DCDC1: variants seen among roughly 807,000 people sequenced by gnomAD.
DCDC1 encodes the protein doublecortin domain-containing protein 1.
DCDC1 carries 200 observed loss-of-function variants against 178.3 expected under a neutral mutation model. The observed-to-expected ratio is 1.12, with a 90% CI of 1.00 to 1.26. The LOEUF is 1.26. DCDC1 is among the 50% of genes most tolerant of loss of function. The pLI, the probability that DCDC1 is intolerant of heterozygous loss-of-function variation, is 0.00. For synonymous variants in DCDC1, 690 were observed against 604.8 expected (o/e 1.14, Z -2.07); for missense variants, 1,983 against 1,749.2 (o/e 1.13, Z -2.38).
At chr11:31,324,587 T>A (rs1949549729) in intron 3 of DCDC1, among the ~76,000 whole-genome samples, 1 of 151,854 alleles carries the variant, frequency 6.6e-6, no homozygotes. Context: ...GTAGCAGGAG[T>A]CTAAAACAGT....
intron 2 of DCDC1, among the ~76,000 whole-genome samples, chr11:31,329,967 G>A (rs1208202452): frequency 6.6e-6 from 1 of 152,154 alleles, no homozygotes; most frequent in Non-Finnish European, 1.5e-5. Context: ...TCCTTGAGGA[G>A]TCGCCACACT....
At chr11:31,164,083 A>G (rs535923224) in intron 9 of DCDC1, among the ~76,000 whole-genome samples, 32 of 152,208 alleles carry the variant, frequency 2.1e-4, no homozygotes, top group Non-Finnish European at 4.4e-4. Context: ...GGGTCAAAGC[A>G]ACTAAGGAAG....
At chr11:31,330,926 C>A (rs1330112399) in intron 2 of DCDC1, among the ~76,000 whole-genome samples, 1 of 151,984 alleles carries the variant, frequency 6.6e-6, no homozygotes, top group Non-Finnish European at 1.5e-5. Context: ...TTTTCCAATT[C>A]TGTGAAGTCA....
intron 6 of DCDC1, among the ~76,000 whole-genome samples, chr11:31,299,082 T>C (rs1235563989): frequency 1.3e-5 from 2 of 152,190 alleles, no homozygotes. Context: ...CAAAATACAA[T>C]TGCTTCTATG....
chr11:31,307,218 C>G (rs754311433), intron 4 of DCDC1, among the ~76,000 whole-genome samples: 1 of 152,138 alleles, frequency 6.6e-6, no homozygotes, highest in Non-Finnish European at 1.5e-5. Context: ...TCTATGAACT[C>G]TCATGTTAAC....
At chr11:31,216,961 A>C (rs1317557485) in intron 9 of DCDC1, among the ~76,000 whole-genome samples, 2 of 152,214 alleles carry the variant, frequency 1.3e-5, no homozygotes. Context: ...CTACATGTGA[A>C]CTTTACTTCA....
chr11:31,021,562 C>G (rs559043297), intron 20 of DCDC1, among the ~76,000 whole-genome samples: 3 of 152,200 alleles, frequency 2.0e-5, no homozygotes, highest in Admixed American at 2.0e-4. Context: ...AAAAAAATCT[C>G]TGCAAAGATC....
intron 9 of DCDC1, among the ~76,000 whole-genome samples, chr11:31,169,061 G>A (rs895004037): frequency 3.4e-4 from 51 of 152,132 alleles, no homozygotes; most frequent in African/African-American, 1.2e-3. Flanking sequence ...CCATAAAAAG[G>A]AATGAGATTA....
At chr11:31,294,796 GAAAAAGAAAGAAAGAAAGAAAGAAAGAA>G (rs1249864808) in intron 6 of DCDC1, among the ~76,000 whole-genome samples, 9 of 118,486 alleles carry the variant, frequency 7.6e-5, no homozygotes, top group Non-Finnish European at 1.6e-4. Flanking sequence ...GAAAAATAAA[GAAAAAGAAAGAAAGAAAGAAAGAAAGAA>G]AGAAAGAAAG....
intron 9 of DCDC1, among the ~76,000 whole-genome samples, chr11:31,200,965 T>C (rs1269660229): frequency 1.3e-5 from 2 of 151,578 alleles, no homozygotes; most frequent in African/African-American, 2.4e-5. Flanking sequence ...AAACAAAAAA[T>C]CTTCTAGCCC....
In DCDC1 at chr11:31,106,946, A is replaced by G. The variant is rs746011925; in HGVS notation, c.1602T>C (p.Ile534=). 1.3e-6 allele frequency: 1 copy of G among 765,192 alleles called. No individual in the cohort carries two copies. Among genetic ancestry groups the G allele is most frequent in the Non-Finnish European group, 2.4e-6 (1 of 417,578 alleles). 47.4% of individuals were successfully genotyped at this position (765,192 alleles called of 1,614,324 possible). ...DHMMERLLLK[I]HQRLQGSSIN... is the part of the protein sequence containing the mutation. ...TGGAAGAACCTTGAAGCCTTTGATGAATCTTGAGAAGTAACTGGTTGGGGG... is the reference window on the plus strand; with the variant it reads ...TGGAAGAACCTTGAAGCCTTTGATGGATCTTGAGAAGTAACTGGTTGGGGG... The change falls in exon 13 of 39, where the codon ATT becomes ATC. Residue 534 remains isoleucine, a synonymous_variant. Coordinates refer to ENST00000684477, the MANE Select transcript of DCDC1 (RefSeq NM_001387274.1).
At chr11:31,357,908 G>A (rs1385567909) in intron 1 of DCDC1, among the ~76,000 whole-genome samples, 16 of 152,004 alleles carry the variant, frequency 1.1e-4, no homozygotes, top group Admixed American at 2.6e-4. Flanking sequence ...TTCAAGGAGA[G>A]CTACAAACCA....
chr11:31,348,241 T>C (rs1202491328), intron 1 of DCDC1, among the ~76,000 whole-genome samples: 1 of 152,188 alleles, frequency 6.6e-6, no homozygotes, highest in Non-Finnish European at 1.5e-5. Context: ...ATAGTAGAAT[T>C]GAATATTCGA....
chr11:31,086,400 C>G (rs1038390967), intron 17 of DCDC1, among the ~76,000 whole-genome samples: 2 of 152,168 alleles, frequency 1.3e-5, no homozygotes, highest in Non-Finnish European at 2.9e-5. Context: ...TAAAGTAACT[C>G]TCCAAATCAT....
chr11:30,946,752 T>C (rs951065747), intron 21 of DCDC1, among the ~76,000 whole-genome samples: 2 of 152,172 alleles, frequency 1.3e-5, no homozygotes, highest in South Asian at 4.1e-4. Flanking sequence ...TCAGGATAAA[T>C]TATTTCTAAA....
At chr11:31,002,428 G>A (rs1037621008) in intron 20 of DCDC1, among the ~76,000 whole-genome samples, 1 of 152,108 alleles carries the variant, frequency 6.6e-6, no homozygotes, top group Admixed American at 6.5e-5. Flanking sequence ...AAGTTTTAAC[G>A]TAACTGCTGT....
chr11:31,323,473 A>C (rs1028993462), intron 3 of DCDC1, among the ~76,000 whole-genome samples: 4 of 152,174 alleles, frequency 2.6e-5, no homozygotes, highest in Admixed American at 6.5e-5. Flanking sequence ...TTAGCCCTTC[A>C]TTATTTGGTA....
At chr11:30,866,297 G>A (rs1315643029) in intron 38 of DCDC1, among the ~76,000 whole-genome samples, 1 of 152,146 alleles carries the variant, frequency 6.6e-6, no homozygotes, top group African/African-American at 2.4e-5. Flanking sequence ...CTGTTCTGGA[G>A]GCTGGGAAGT....
intron 9 of DCDC1, among the ~76,000 whole-genome samples, chr11:31,196,070 C>T (rs1419175931): frequency 6.6e-6 from 1 of 151,936 alleles, no homozygotes; most frequent in African/African-American, 2.4e-5. Flanking sequence ...CCCTAGACTC[C>T]CTCAAGAGCC....
Sources: allele counts gnomAD v4.1 joint callset (sites outside exome capture counted in the v4.1 genomes callset), GRCh38; gene constraint gnomAD v4.1.1; transcripts MANE v1.5; gene names NCBI Gene and HGNC (gene_info 2026-07-23, HGNC 2026-07-21).